The following SHANK2 variants were observed in gnomAD, a reference collection of about 807,000 sequenced individuals.
SHANK2 encodes SH3 and multiple ankyrin repeat domains protein 2.
In SHANK2, 43 loss-of-function variants were observed where a neutral mutation model predicts 133.7. The ratio of observed to expected loss-of-function variants is 0.32; its 90% CI spans 0.25 to 0.41. The LOEUF (loss-of-function observed/expected upper bound fraction) is 0.41. Ranked by LOEUF, SHANK2 falls within the 10% of genes least tolerant of loss-of-function variation. The pLI is 1.00. For missense variants in SHANK2, 1,994 were observed against 2,235.8 expected (o/e 0.89, Z 2.18); for synonymous variants, 1,017 against 952.8 (o/e 1.07, Z -1.24).
Position 70,485,547 on chromosome 11 carries a change from G to C in SHANK2, c.4746C>G (p.Pro1582=). The C allele has an allele frequency of 6.2e-7, 1 of 1,612,850 alleles. No homozygotes were observed. Among genetic ancestry groups the C allele is most frequent in the Non-Finnish European group, 8.5e-7 (1 of 1,180,008 alleles). ...GCTGGGCACTGCCCGGCGGGGGCGG[G>C]GGAGCGGGCGGGGGGATAACAAAGC... The part of the protein sequence containing the change: ...VDSFVIPPPA[P]PPPPGSAQPG... Residue 1582 remains proline (P), a synonymous_variant, in exon 25 of 26, where the codon CCC becomes CCG. Transcript: ENST00000601538. This position sits in a 1 kb window ranked among gnomAD's most constrained non-coding sequence, Gnocchi z 5.8.
chr11:70,574,530 C>G (rs1431853819), intron 17 of SHANK2, among the ~76,000 whole-genome samples: 1 of 152,220 alleles, frequency 6.6e-6, no homozygotes, highest in Non-Finnish European at 1.5e-5. Flanking sequence ...TGGCTCCTCC[C>G]ATTTTCACAC....
intron 11 of SHANK2, among the ~76,000 whole-genome samples, chr11:70,856,626 C>T (rs1949176578): frequency 6.6e-6 from 1 of 152,150 alleles, no homozygotes; most frequent in Non-Finnish European, 1.5e-5. Context: ...CCCTCTTGGA[C>T]TGTTTTGCCC....
At chr11:70,698,887 G>T (rs1035424905) in intron 14 of SHANK2, 124 bp from the exon 15 acceptor site, 3 of 703,944 alleles carry the variant, frequency 4.3e-6, no homozygotes, top group Non-Finnish European at 7.9e-6. Flanking sequence ...CACTGTCCTG[G>T]GGAAGAGTCT....
intron 15 of SHANK2, among the ~76,000 whole-genome samples, chr11:70,663,266 A>T (rs562240802): frequency 6.6e-6 from 1 of 152,306 alleles, no homozygotes; most frequent in East Asian, 1.9e-4. Context: ...TTCACGGTCT[A>T]CAGGAAGCAC....
intron 10 of SHANK2, among the ~76,000 whole-genome samples, chr11:70,916,826 C>A (rs1032405920): frequency 8.5e-5 from 13 of 152,052 alleles, no homozygotes; most frequent in African/African-American, 1.2e-4. Context: ...GAAACTGAAC[C>A]CCAGCAGGCT....
intron 10 of SHANK2, among the ~76,000 whole-genome samples, chr11:70,917,761 A>G (rs1316164716): frequency 6.6e-6 from 1 of 152,224 alleles, no homozygotes; most frequent in Non-Finnish European, 1.5e-5. Context: ...GAAACAGGAA[A>G]CCAAATACAG....
intron 14 of SHANK2, among the ~76,000 whole-genome samples, chr11:70,757,428 C>T (rs551299369): frequency 3.9e-5 from 6 of 152,370 alleles, no homozygotes; most frequent in Non-Finnish European, 8.8e-5. Flanking sequence ...GCTGAAATGT[C>T]CCCTACATGG....
chr11:71,157,627 G>C (rs1247577536), intron 2 of SHANK2, among the ~76,000 whole-genome samples: 2 of 152,160 alleles, frequency 1.3e-5, no homozygotes, highest in African/African-American at 4.8e-5. Flanking sequence ...GTGGGTTTCT[G>C]TCCAGGCTGC....
At chr11:70,876,555 C>T (rs1330236211) in intron 11 of SHANK2, among the ~76,000 whole-genome samples, 1 of 147,842 alleles carries the variant, frequency 6.8e-6, no homozygotes, top group South Asian at 2.2e-4. Context: ...TGAGACTCCG[C>T]CTCAAAAAAA....
chr11:71,165,115 C>T (rs754396298), intron 2 of SHANK2, among the ~76,000 whole-genome samples: 1 of 151,272 alleles, frequency 6.6e-6, no homozygotes, highest in African/African-American at 2.4e-5. Context: ...TTCATTGCAA[C>T]CTCCACCTCC....
intron 14 of SHANK2, among the ~76,000 whole-genome samples, chr11:70,788,411 A>G (rs55806020): frequency 0.18 from 27,954 of 152,190 alleles, 2,912 homozygotes; most frequent in African/African-American, 0.26. Context: ...AAAGTTTTCA[A>G]TTGCATGCCA....
At chr11:70,613,767 T>TTTTTTG (rs2060699089) in intron 17 of SHANK2, among the ~76,000 whole-genome samples, 1 of 146,144 alleles carries the variant, frequency 6.8e-6, no homozygotes, top group African/African-American at 2.5e-5. Flanking sequence ...GAACTTGTTT[T>TTTTTTG]TTTTTTTTTT....
chr11:70,594,371 TCAAAAGTCACACA>T (rs1336171707), intron 17 of SHANK2, among the ~76,000 whole-genome samples: 7 of 152,036 alleles, frequency 4.6e-5, no homozygotes, highest in Admixed American at 2.0e-4. Flanking sequence ...CCAAGAATAT[TCAAAAGTCACACA>T]GTTGGCCCTG....
chr11:70,502,133 C>T (rs782335056), intron 19 of SHANK2, 73 bp downstream of exon 19: 11 of 1,482,084 alleles, frequency 7.4e-6, no homozygotes, highest in Non-Finnish European at 1.0e-5. Flanking sequence ...CATGCACAGC[C>T]TGGTGCTTTG....
rs1555051430 is a variant in SHANK2 at position 70,804,511 on chromosome 11, A to G, written c.1663+2491T>C. On this transcript the variant is annotated intron_variant, in intron 13 of 25. Coordinates refer to ENST00000601538, the MANE Select transcript of SHANK2 (RefSeq NM_012309.5). The surrounding 1 kb of genome is among the most constrained non-coding windows in gnomAD (Gnocchi z 4.1). The stretch of plus-strand genomic sequence containing the variant: ...GTCATTTCTGTTCTCCCTGGGAGAA[A>G]GGCCCAGCTCCCCGCACGCCCCACG... 6.6e-6 allele frequency among the ~76,000 whole-genome samples: 1 copy of G among 152,106 alleles called. No homozygotes were observed. Among genetic ancestry groups the G allele is most frequent in the African/African-American group, 2.4e-5 (1 of 41,432 alleles).
At chr11:70,785,471 C>A (rs1555046259) in intron 14 of SHANK2, among the ~76,000 whole-genome samples, 2 of 151,966 alleles carry the variant, frequency 1.3e-5, no homozygotes, top group Non-Finnish European at 2.9e-5. Context: ...CTTTTTTTTG[C>A]CAGCTGGCCC....
At chr11:70,552,521 C>T (rs1202624508) in intron 17 of SHANK2, among the ~76,000 whole-genome samples, 8 of 152,234 alleles carry the variant, frequency 5.3e-5, no homozygotes, top group Non-Finnish European at 7.3e-5. Context: ...TCAGATGTCT[C>T]ATTTCCCAGG....
At chr11:70,689,327 G>C (rs1273516703) in intron 15 of SHANK2, among the ~76,000 whole-genome samples, 1 of 152,162 alleles carries the variant, frequency 6.6e-6, no homozygotes, top group African/African-American at 2.4e-5. Context: ...AACGTAAATG[G>C]TCTAATAGAG....
rs2061101266 is a variant in SHANK2, at chr11:70,636,708, CAT to C, written c.2061+23118_2061+23119del. Among the ~76,000 whole-genome samples the C allele has an allele frequency of 2.7e-5, 4 of 149,192 alleles. No individual in the cohort carries two copies. The South Asian group carries it at 8.6e-4, about 32-fold the overall frequency. Reference sequence around the variant, plus strand: ...GTGTATGTGTAAGCACGTGTGTGAACATATGTGCGAGGATGCATGATGTGTGA... The same window carrying C: ...GTGTATGTGTAAGCACGTGTGTGAACATGTGCGAGGATGCATGATGTGTGA... On this transcript the variant is annotated intron_variant, in intron 17 of 25. Coordinates refer to ENST00000601538, the MANE Select transcript of SHANK2 (RefSeq NM_012309.5).
Sources: gnomAD v4.1 joint callset for allele counts (sites outside exome capture counted in the v4.1 genomes callset) on GRCh38, gnomAD v4.1.1 for gene constraint, Gnocchi (gnomAD v3.1) non-coding constraint, MANE v1.5 for transcripts, NCBI Gene and HGNC (gene_info 2026-07-23, HGNC 2026-07-21) for gene names.